Variants in MAPK13 observed in about 807,000 individuals in gnomAD.
MAPK13 encodes the protein MAP kinase 13.
A neutral mutation model predicts 53.5 loss-of-function variants in MAPK13; 39 were observed. The ratio of observed to expected loss-of-function variants is 0.73; its 90% CI spans 0.56 to 0.95. The LOEUF (loss-of-function observed/expected upper bound fraction) is 0.95, where lower values mean the gene tolerates loss of function less well. Among genes scored for constraint, MAPK13 ranks in the 40% least tolerant of loss-of-function variants. MAPK13 has a pLI of 0.00. For missense variants in MAPK13, 460 were observed against 471.8 expected (o/e 0.98, Z 0.23); for synonymous variants, 179 against 190.9 (o/e 0.94, Z 0.51).
chr6:36,139,290 T>A lies in MAPK13; in HGVS notation c.1019-4T>A. ...CGCACCTTAAACCATGCTGCCTTTC[T>A]CAGAGCACATCTACAAGGAGATTGT... On this transcript the variant is annotated splice_region_variant and splice_polypyrimidine_tract_variant and intron_variant, in intron 11 of 11. Transcript: ENST00000211287. 1 of 1,613,852 alleles carries A rather than the reference T, an allele frequency of 6.2e-7. No individual in the cohort carries two copies. Among genetic ancestry groups the A allele is most frequent in the South Asian group, 1.1e-5 (1 of 91,072 alleles).
chr6:36,137,252 A>T (rs1249605189), intron 8 of MAPK13, among the ~76,000 whole-genome samples: 1 of 152,128 alleles, frequency 6.6e-6, no homozygotes, highest in African/African-American at 2.4e-5. Context: ...GCAGTGGCTC[A>T]TGTCTGTAAT....
intron 8 of MAPK13, among the ~76,000 whole-genome samples, chr6:36,137,958 CAAAAAAAA>C (rs35527328): frequency 3.6e-5 from 3 of 83,402 alleles, no homozygotes; most frequent in Non-Finnish European, 6.5e-5. Context: ...GACCCTGTCT[CAAAAAAAA>C]AAAAAAAAAA....
intron 8 of MAPK13, 133 bp downstream of exon 8, chr6:36,137,083 G>C: frequency 1.3e-6 from 1 of 767,410 alleles, no homozygotes; most frequent in Non-Finnish European, 2.1e-6. Context: ...TGTAAATGCA[G>C]ATAAGGCTGG....
At position 36,130,745 on chromosome 6, in the gene MAPK13, C is replaced by G. The variant is rs1352598959; in HGVS notation, c.119+44C>G. On this transcript the variant is annotated intron_variant, in intron 1 of 11. Transcript: ENST00000211287. This position sits in a 1 kb window ranked among gnomAD's most constrained non-coding sequence, Gnocchi z 4.5. ...TGGGGGGCGGGGGGCGGGCGCCAGG[C>G]TCTCCCCTTTCCGCCCAGCCCGCCC... 3.7e-6 allele frequency: 4 copies of G among 1,075,920 alleles called. No homozygotes were observed. The African/African-American group carries it at 5.0e-5, about 14-fold the overall frequency. The allele number at this position is 1,075,920 out of a possible 1,614,324, so 66.6% of individuals were successfully genotyped here.
chr6:36,142,064 A>G lies in MAPK13; in HGVS notation c.*2691A>G, dbSNP rs1177020021. The G allele has an allele frequency of 6.6e-6, 1 of 152,340 alleles. No homozygotes were observed. Among genetic ancestry groups the G allele is most frequent in the Non-Finnish European group, 1.5e-5 (1 of 68,164 alleles). The allele number at this position is 152,340 out of a possible 1,614,324, so 9.4% of individuals were successfully genotyped here. On this transcript the variant is annotated 3_prime_UTR_variant, in exon 12 of 12. Transcript: ENST00000211287. The surrounding 1 kb of genome is among the most constrained non-coding windows in gnomAD (Gnocchi z 4.4). ...GCCTTCCTTCTTGGCCTGGCATTCAAAACCCCTTGTGTTCTCTCTAATCTC... is the reference window on the plus strand; with the variant it reads ...GCCTTCCTTCTTGGCCTGGCATTCAGAACCCCTTGTGTTCTCTCTAATCTC...
chr6:36,139,170 C>T (rs1182489035), intron 11 of MAPK13, 115 bp downstream of exon 11: 42 of 1,374,882 alleles, frequency 3.1e-5, no homozygotes, highest in Non-Finnish European at 4.1e-5. Flanking sequence ...TCTTGGTGGG[C>T]ATTGTCTCCT....
chr6:36,139,452 G>A lies in MAPK13; in HGVS notation c.*79G>A. 7 of 1,162,294 alleles carry A rather than the reference G, an allele frequency of 6.0e-6. No homozygotes were observed. The South Asian group carries it at 8.6e-5, about 14-fold the overall frequency. The allele number at this position is 1,162,294 out of a possible 1,614,324, so 72.0% of individuals were successfully genotyped here. On this transcript the variant is annotated 3_prime_UTR_variant, in exon 12 of 12. Transcript: ENST00000211287. ...GTCACTACCAAACTCAGCCCTTCTT[G>A]GAATACAGCCTTTCAAGCAGAGGAC...
At position 36,139,400 on chromosome 6, in the gene MAPK13, C is replaced by G; in HGVS notation, c.*27C>G. On this transcript the variant is annotated 3_prime_UTR_variant, in exon 12 of 12. Coordinates refer to ENST00000211287, the MANE Select transcript of MAPK13 (RefSeq NM_002754.5). Reference sequence around the variant, plus strand: ...GACTCATCTTGCATGGCACCGCCGGCCAGACACTGCCCAAGGACCAGTATT... The same window carrying G: ...GACTCATCTTGCATGGCACCGCCGGGCAGACACTGCCCAAGGACCAGTATT... 1.9e-6 allele frequency: 3 copies of G among 1,590,598 alleles called. No individual in the cohort carries two copies. Among genetic ancestry groups the G allele is most frequent in the Non-Finnish European group, 2.6e-6 (3 of 1,158,866 alleles).
chr6:36,133,479 C>A (rs146135697), intron 3 of MAPK13, among the ~76,000 whole-genome samples: 86 of 152,308 alleles, frequency 5.6e-4, no homozygotes, highest in African/African-American at 1.9e-3. Flanking sequence ...GCAGGGCCGA[C>A]ACAATGTTCC....
rs1299971513 is a variant in MAPK13 at position 36,138,666 on chromosome 6, G to C, written c.763-36G>C. ...ATCCCTGCTCTACACGCTGAGGCCA[G>C]AGCCCTAAGGGGTTTGATGCTTTTC... On this transcript the variant is annotated intron_variant, in intron 9 of 11. Transcript: ENST00000211287. The C allele has an allele frequency of 3.8e-6, 6 of 1,594,170 alleles. No individual in the cohort carries two copies. The Admixed American group carries it at 6.7e-5, about 18-fold the overall frequency.
At chr6:36,137,948 G>C (rs1015359657) in intron 8 of MAPK13, among the ~76,000 whole-genome samples, 2 of 93,968 alleles carry the variant, frequency 2.1e-5, no homozygotes, top group Non-Finnish European at 3.8e-5. Context: ...GACAGAGTGA[G>C]ACCCTGTCTC....
chr6:36,131,803 C>T (rs536772071), intron 2 of MAPK13, among the ~76,000 whole-genome samples: 15 of 152,310 alleles, frequency 9.8e-5, no homozygotes, highest in South Asian at 2.1e-4. Flanking sequence ...GCTCTGCATA[C>T]ACTAACTTGT....
In MAPK13 at chr6:36,130,633, A is replaced by C. The variant is rs1059227; in HGVS notation, c.51A>C (p.Thr17=). ...TCTACAAGCAGGACGTCAACAAGAC[A>C]GCCTGGGAGCTGCCCAAGACCTACG... The part of the protein sequence containing the change: ...KGFYKQDVNK[T]AWELPKTYVS... Residue 17 remains threonine (T), a synonymous_variant, in exon 1 of 12, where the codon ACA becomes ACC. Coordinates refer to ENST00000211287, the MANE Select transcript of MAPK13 (RefSeq NM_002754.5). This position sits in a 1 kb window ranked among gnomAD's most constrained non-coding sequence, Gnocchi z 4.5. The C allele has an allele frequency of 0.67, 1,059,904 of 1,581,970 alleles. 359,194 individuals carry two copies. Among genetic ancestry groups the C allele is most frequent in the East Asian group, 0.97 (39,062 of 40,406 alleles).
At chr6:36,135,217 G>A (rs950633938) in intron 3 of MAPK13, among the ~76,000 whole-genome samples, 3 of 151,992 alleles carry the variant, frequency 2.0e-5, no homozygotes, top group Admixed American at 2.0e-4. Context: ...CATTTTGCTG[G>A]CCTTATCCTG....
At chr6:36,133,366 G>C (rs1174399903) in intron 3 of MAPK13, among the ~76,000 whole-genome samples, 1 of 152,228 alleles carries the variant, frequency 6.6e-6, no homozygotes, top group Non-Finnish European at 1.5e-5. Context: ...GCAGCTCGGA[G>C]GCAGAGGGGG....
chr6:36,135,664 CCT>C (rs1766402186), intron 3 of MAPK13, 87 bp from the exon 4 acceptor site: 1 of 858,336 alleles, frequency 1.2e-6, no homozygotes, highest in Non-Finnish European at 1.9e-6. Flanking sequence ...CTCTATGACC[CCT>C]GTTCTGCCCT....
At position 36,131,265 on chromosome 6, in the gene MAPK13, C is replaced by T. The variant is rs959115348; in HGVS notation, c.120-6C>T. 1 of 1,611,004 alleles carries T rather than the reference C, an allele frequency of 6.2e-7. No individual in the cohort carries two copies. Among genetic ancestry groups the T allele is most frequent in the African/African-American group, 1.3e-5 (1 of 74,918 alleles). On this transcript the variant is annotated splice_region_variant and splice_polypyrimidine_tract_variant and intron_variant, in intron 1 of 11. Transcript: ENST00000211287. ...CCTCGCCTGCTGACCGGCCTGTGCCCGACAGCTCGGCCATCGACAAGCGGT... is the reference window on the plus strand; with the variant it reads ...CCTCGCCTGCTGACCGGCCTGTGCCTGACAGCTCGGCCATCGACAAGCGGT...
chr6:36,132,506 G>A (rs1414181160), intron 2 of MAPK13, 115 bp from the exon 3 acceptor site: 3 of 876,510 alleles, frequency 3.4e-6, no homozygotes, highest in South Asian at 1.4e-5. Context: ...CATGCCTCCT[G>A]CTGGAGGTGG....
Position 36,138,936 on chromosome 6 carries a change from C to T in MAPK13, c.899C>T (p.Ala300Val), listed in dbSNP as rs138408572. 5.0e-6 allele frequency: 8 copies of T among 1,613,204 alleles called. No individual in the cohort carries two copies. Among genetic ancestry groups the T allele is most frequent in the East Asian group, 4.5e-5 (2 of 44,870 alleles). ...ELDVDKRLTA[A>V]QALTHPFFEP... is the part of the protein sequence containing the mutation. ...GACGTGGACAAGCGCCTGACGGCCGCGCAGGCCCTCACCCATCCCTTCTTT... is the reference window on the plus strand; with the variant it reads ...GACGTGGACAAGCGCCTGACGGCCGTGCAGGCCCTCACCCATCCCTTCTTT... Residue 300 changes from alanine (A) to valine (V), a missense_variant, in exon 11 of 12, where the codon GCG (alanine) becomes GTG (valine). Ala to Val is a moderately conservative substitution (Grantham distance 64). Coordinates refer to ENST00000211287, the MANE Select transcript of MAPK13 (RefSeq NM_002754.5).
Sources: allele counts gnomAD v4.1 joint callset (sites outside exome capture counted in the v4.1 genomes callset), GRCh38; gene constraint gnomAD v4.1.1; non-coding constraint Gnocchi (gnomAD v3.1); transcripts MANE v1.5; gene names NCBI Gene and HGNC (gene_info 2026-07-23, HGNC 2026-07-21).